Variants in DCC observed in about 807,000 individuals in gnomAD.
The protein encoded by DCC is DCC netrin 1 receptor.
DCC carries 58 observed loss-of-function variants against 172.5 expected under a neutral mutation model. That is an observed-to-expected ratio of 0.34 (90% CI 0.27 to 0.42). DCC has a LOEUF of 0.42. Ranked by LOEUF, DCC falls within the 10% of genes least tolerant of loss-of-function variation. DCC has a pLI of 1.00. For synonymous variants in DCC, 709 were observed against 644.5 expected (o/e 1.10, Z -1.52); for missense variants, 1,740 against 1,791.0 (o/e 0.97, Z 0.51).
rs561636561 is a variant in DCC, at chr18:52,886,630, G to T, written c.413-19414G>T. Among the ~76,000 whole-genome samples the T allele has an allele frequency of 2.0e-5, 3 of 152,176 alleles. No individual in the cohort carries two copies. In the East Asian group the frequency reaches 5.8e-4, roughly 29 times the overall value. ...TTTTTCCTGTCTATTGGAGGAGGGG[G>T]GTCAGACAAAACCTCTGTTTCCTCT... On this transcript the variant is annotated intron_variant, in intron 2 of 28. Transcript: ENST00000442544.
chr18:53,403,082 A>T (rs1457564244), intron 19 of DCC, among the ~76,000 whole-genome samples, 189 bp downstream of exon 19: 1 of 19,962 alleles, frequency 5.0e-5, no homozygotes, highest in Non-Finnish European at 1.8e-4. Context: ...GTGCACACAC[A>T]CACACACACA....
intron 2 of DCC, among the ~76,000 whole-genome samples, chr18:52,771,107 C>A (rs1039565790): frequency 6.6e-6 from 1 of 152,142 alleles, no homozygotes; most frequent in Non-Finnish European, 1.5e-5. Context: ...ACGTTCATGC[C>A]TCACTGGGCC....
At chr18:52,883,804 C>A (rs2039530396) in intron 2 of DCC, among the ~76,000 whole-genome samples, 1 of 151,606 alleles carries the variant, frequency 6.6e-6, no homozygotes, top group Non-Finnish European at 1.5e-5. Context: ...GAGATTTGTA[C>A]CTTCAGATCA....
At chr18:53,507,565 TCTC>T (rs1286877450) in intron 27 of DCC, among the ~76,000 whole-genome samples, 1 of 152,176 alleles carries the variant, frequency 6.6e-6, no homozygotes, top group African/African-American at 2.4e-5. Flanking sequence ...ATCTCCAGGA[TCTC>T]CTTATTTACC....
intron 3 of DCC, among the ~76,000 whole-genome samples, chr18:52,915,129 T>C (rs1481597871): frequency 6.6e-6 from 1 of 152,190 alleles, no homozygotes; most frequent in Non-Finnish European, 1.5e-5. Context: ...GTCCATAATT[T>C]AATTTCTCTG....
intron 1 of DCC, among the ~76,000 whole-genome samples, chr18:52,419,011 C>A (rs1174524777): frequency 4.0e-5 from 6 of 151,880 alleles, no homozygotes; most frequent in African/African-American, 1.5e-4. Flanking sequence ...CAGGTGCACG[C>A]CACCAGGCCA....
At chr18:52,876,377 A>G (rs1279491083) in intron 2 of DCC, among the ~76,000 whole-genome samples, 1 of 152,200 alleles carries the variant, frequency 6.6e-6, no homozygotes, top group Non-Finnish European at 1.5e-5. Context: ...TAATTTTGAC[A>G]GCCAGTTTTA....
Position 53,313,312 on chromosome 18 carries a change from C to A in DCC, c.2053+7593C>A, listed in dbSNP as rs190530254. Among the ~76,000 whole-genome samples the A allele has an allele frequency of 3.9e-5, 6 of 152,216 alleles. No homozygotes were observed. The East Asian group carries it at 7.8e-4, about 20-fold the overall frequency. ...CCAGGGTTGAGTGCAGCGGCACGAT[C>A]TCGTCTCACTGCAACCTCCGCGTCT... On this transcript the variant is annotated intron_variant, in intron 13 of 28. Coordinates refer to ENST00000442544, the MANE Select transcript of DCC (RefSeq NM_005215.4).
At chr18:53,502,109 A>G (rs920008001) in intron 27 of DCC, among the ~76,000 whole-genome samples, 6 of 152,076 alleles carry the variant, frequency 3.9e-5, no homozygotes, top group South Asian at 2.1e-4. Flanking sequence ...TGGTACCCTT[A>G]AGATCCTTCT....
chr18:52,845,035 T>C (rs2145326673), intron 2 of DCC, among the ~76,000 whole-genome samples: 1 of 152,352 alleles, frequency 6.6e-6, no homozygotes, highest in Admixed American at 6.5e-5. Flanking sequence ...GAGGTATTCA[T>C]CTGTGCTAAC....
At chr18:53,294,627 C>G (rs2057044576) in intron 12 of DCC, among the ~76,000 whole-genome samples, 1 of 152,028 alleles carries the variant, frequency 6.6e-6, no homozygotes. Flanking sequence ...CTTGGAGGGA[C>G]CTGGCAGATT....
At chr18:53,051,776 A>G (rs1436903941) in intron 5 of DCC, among the ~76,000 whole-genome samples, 1 of 151,970 alleles carries the variant, frequency 6.6e-6, no homozygotes, top group African/African-American at 2.4e-5. Flanking sequence ...CTTATATCTT[A>G]TATATCTTTA....
intron 1 of DCC, among the ~76,000 whole-genome samples, chr18:52,626,956 T>C (rs1441302458): frequency 6.6e-6 from 1 of 152,198 alleles, no homozygotes; most frequent in Non-Finnish European, 1.5e-5. Context: ...CCAGGGATAC[T>C]AAGGGACAGT....
At chr18:52,989,539 T>C (rs1315887821) in intron 5 of DCC, among the ~76,000 whole-genome samples, 4 of 152,126 alleles carry the variant, frequency 2.6e-5, no homozygotes, top group African/African-American at 9.7e-5. Context: ...AAAAAAATTG[T>C]TTCCTTGCTG....
intron 1 of DCC, among the ~76,000 whole-genome samples, chr18:52,692,711 C>A (rs550459435): frequency 6.6e-6 from 1 of 152,046 alleles, no homozygotes; most frequent in African/African-American, 2.4e-5. Context: ...GGATTAGCAG[C>A]GTGAGCCACC....
intron 27 of DCC, among the ~76,000 whole-genome samples, chr18:53,511,987 C>A (rs2046261323): frequency 6.6e-6 from 1 of 152,304 alleles, no homozygotes; most frequent in Admixed American, 6.5e-5. Flanking sequence ...GCCTGCCTGC[C>A]TCTGTAGGCT....
intron 1 of DCC, among the ~76,000 whole-genome samples, chr18:52,502,574 G>T (rs926764916): frequency 6.6e-6 from 1 of 152,136 alleles, no homozygotes; most frequent in African/African-American, 2.4e-5. Flanking sequence ...ATCTAGAATT[G>T]ATCCTTCCAT....
At chr18:53,021,892 C>T (rs1363177153) in intron 5 of DCC, among the ~76,000 whole-genome samples, 1 of 152,144 alleles carries the variant, frequency 6.6e-6, no homozygotes, top group African/African-American at 2.4e-5. Flanking sequence ...TTTATTTGGA[C>T]TTTATTCAAA....
At chr18:52,848,387 G>C (rs755779541) in intron 2 of DCC, among the ~76,000 whole-genome samples, 2 of 151,960 alleles carry the variant, frequency 1.3e-5, no homozygotes, top group Non-Finnish European at 2.9e-5. Context: ...ATGCCCGGCC[G>C]ACTTTTCTAA....
Sources: gnomAD v4.1 joint callset for allele counts (sites outside exome capture counted in the v4.1 genomes callset) on GRCh38, gnomAD v4.1.1 for gene constraint, MANE v1.5 for transcripts, NCBI Gene and HGNC (gene_info 2026-07-23, HGNC 2026-07-21) for gene names.